MICB: variants seen among roughly 807,000 people sequenced by gnomAD.
The protein encoded by MICB is MHC class I antigen-related protein B.
A neutral mutation model predicts 34.3 loss-of-function variants in MICB; 27 were observed. The observed-to-expected ratio is 0.79, with a 90% CI of 0.58 to 1.08. MICB has a LOEUF of 1.08. Among genes scored for constraint, MICB ranks in the 50% least tolerant of loss-of-function variants. The pLI is 0.00. For synonymous variants in MICB, 153 were observed against 187.4 expected (o/e 0.82, Z 1.50); for missense variants, 426 against 483.1 (o/e 0.88, Z 1.11).
rs1157197923 is a variant in MICB, at chr6:31,509,769, C to A, written c.1025-13C>A. The A allele has an allele frequency of 6.2e-7, 1 of 1,603,712 alleles. No individual in the cohort carries two copies. Among genetic ancestry groups the A allele is most frequent in the South Asian group, 1.1e-5 (1 of 89,646 alleles). ...CACCCAGTGGAGCATTTACCCGTTT[C>A]CCTCTTCTCCAGAGCTTGTGAGCCT... On this transcript the variant is annotated splice_polypyrimidine_tract_variant and intron_variant, in intron 5 of 5. Transcript: ENST00000252229.
At chr6:31,496,369 T>TTC (rs1764658023), upstream of MICB, among the ~76,000 whole-genome samples, 2 of 42,222 alleles carry the variant, frequency 4.7e-5, no homozygotes, top group Non-Finnish European at 1.0e-4. Flanking sequence ...TTTTTTTCTT[T>TTC]TTTTTTTTTT....
chr6:31,502,024 G>C (rs550408092), intron 1 of MICB, among the ~76,000 whole-genome samples: 1 of 152,210 alleles, frequency 6.6e-6, no homozygotes, highest in South Asian at 2.1e-4. Context: ...CTTTGGGTAG[G>C]ATGGATATTT....
At chr6:31,498,303 G>A in intron 1 of MICB, 40 bp downstream of exon 1, 1 of 1,501,100 alleles carries the variant, frequency 6.7e-7, no homozygotes. Flanking sequence ...GAGCGGGAGC[G>A]GCGGGGCGTT....
In MICB at chr6:31,506,368, A is replaced by C; in HGVS notation, c.551A>C (p.Gln184Pro). ...ACCAAGACACACTATCGCGCTATGC[A>C]GGCAGACTGCCTGCAGAAACTACAG... ...MKTKTHYRAM[Q>P]ADCLQKLQRY... Residue 184 changes from glutamine to proline, a missense_variant, in exon 3 of 6, where the codon CAG becomes CCG. Gln to Pro is a moderately conservative substitution (Grantham distance 76, BLOSUM62 -1). Transcript: ENST00000252229. The C allele has an allele frequency of 6.2e-7, 1 of 1,614,220 alleles. No individual in the cohort carries two copies.
chr6:31,504,682 C>T (rs2534657), intron 1 of MICB, among the ~76,000 whole-genome samples: 22,659 of 152,000 alleles, frequency 0.15, 1,886 homozygotes, highest in Admixed American at 0.24. Context: ...TTCATGAGTC[C>T]AGTTTGTCAG....
Position 31,509,848 on chromosome 6 carries a change from A to G in MICB, c.1091A>G (p.Gln364Arg). 6.2e-7 allele frequency: 1 copy of G among 1,613,860 alleles called. No individual in the cohort carries two copies. The highest frequency in any genetic ancestry group is 8.5e-7 in the Non-Finnish European group (1 of 1,179,830). Residue 364 changes from glutamine (Q) to arginine (R), a missense_variant, in exon 6 of 6, where the codon CAG becomes CGG. Gln to Arg is a conservative substitution (Grantham distance 43). Transcript: ENST00000252229. ...VGTGDHRDAA[Q>R]LGFQPLMSAT... ...ACAGGAGACCACAGGGATGCAGCACAGCTGGGATTTCAGCCTCTGATGTCA... is the reference window on the plus strand; with the variant it reads ...ACAGGAGACCACAGGGATGCAGCACGGCTGGGATTTCAGCCTCTGATGTCA...
At position 31,505,676 on chromosome 6, in the gene MICB, G is replaced by T; in HGVS notation, c.130G>T (p.Gly44Trp). ...VLSQDGSVQSGFLAEGHLDGQ... is the reference protein window; with the variant it reads ...VLSQDGSVQSWFLAEGHLDGQ... The stretch of plus-strand genomic sequence containing the variant: ...GTCCCAGGATGGATCTGTGCAGTCA[G>T]GGTTTCTCGCTGAGGGACATCTGGA... Residue 44 changes from glycine to tryptophan, a missense_variant, in exon 2 of 6, where the codon GGG becomes TGG. Gly to Trp is a radical substitution (Grantham distance 184, BLOSUM62 -2). Transcript: ENST00000252229. 1 of 1,612,906 alleles carries T rather than the reference G, an allele frequency of 6.2e-7. No individual in the cohort carries two copies. Among genetic ancestry groups the T allele is most frequent in the Admixed American group, 1.7e-5 (1 of 60,014 alleles).
chr6:31,500,769 A>G (rs2534666), intron 1 of MICB, among the ~76,000 whole-genome samples: 99,351 of 152,028 alleles, frequency 0.65, 32,626 homozygotes, highest in Middle Eastern at 0.73. Flanking sequence ...AAATGACATG[A>G]TGGCTGAATA....
At position 31,505,632 on chromosome 6, in the gene MICB, G is replaced by T. The variant is rs371170217; in HGVS notation, c.86G>T (p.Arg29Leu). ...PAAAAEPHSL[R>L]YNLMVLSQDG... ...TCTTCCCCAGAGCCCCACAGTCTTC[G>T]TTACAACCTCATGGTGCTGTCCCAG... The change falls in exon 2 of 6, where the codon CGT becomes CTT. Residue 29 changes from arginine (R) to leucine (L), a missense_variant. Transcript: ENST00000252229. 6.2e-7 allele frequency: 1 copy of T among 1,612,614 alleles called. No individual in the cohort carries two copies. Among genetic ancestry groups the T allele is most frequent in the Non-Finnish European group, 8.5e-7 (1 of 1,179,892 alleles).
At chr6:31,509,332 G>A (rs1765530983) in intron 5 of MICB, among the ~76,000 whole-genome samples, 1 of 152,232 alleles carries the variant, frequency 6.6e-6, no homozygotes, top group Admixed American at 6.5e-5. Context: ...TGGGAGGGGA[G>A]GAGTGCTGAG....
intron 1 of MICB, among the ~76,000 whole-genome samples, chr6:31,499,772 C>A (rs1217314109): frequency 2.0e-5 from 3 of 151,388 alleles, no homozygotes; most frequent in Non-Finnish European, 2.9e-5. Context: ...GGTGCTGGAC[C>A]ATCCCTCCCT....
intron 1 of MICB, among the ~76,000 whole-genome samples, chr6:31,502,646 G>C (rs141947234): frequency 2.6e-5 from 4 of 152,276 alleles, no homozygotes; most frequent in African/African-American, 9.6e-5. Flanking sequence ...TTTTTTGGTG[G>C]AGTCTTTAGG....
upstream of MICB, chr6:31,498,107 AGGTGACTAAATTTCGACGG>A: frequency 9.0e-7 from 1 of 1,108,402 alleles, no homozygotes; most frequent in Non-Finnish European, 1.3e-6. Flanking sequence ...AGCGGGGCGC[AGGTGACTAAATTTCGACGG>A]GGTCTTCTCA....
In MICB at chr6:31,505,670, C is replaced by A; in HGVS notation, c.124C>A (p.Gln42Lys). ...GGTGCTGTCCCAGGATGGATCTGTG[C>A]AGTCAGGGTTTCTCGCTGAGGGACA... ...LMVLSQDGSV[Q>K]SGFLAEGHLD... is the part of the protein sequence containing the mutation. The change falls in exon 2 of 6, where the codon CAG (glutamine) becomes AAG (lysine). Residue 42 changes from glutamine to lysine, a missense_variant. Gln to Lys is a moderately conservative substitution (Grantham distance 53). Transcript: ENST00000252229. The A allele has an allele frequency of 3.7e-6, 6 of 1,612,950 alleles. No homozygotes were observed. The highest frequency in any genetic ancestry group is 4.2e-6 in the Non-Finnish European group (5 of 1,179,968).
rs1765265147 is a variant in MICB, at chr6:31,505,655, C to T, written c.109C>T (p.Gln37Ter). ...SLRYNLMVLS[Q>*]DGSVQSGFLA... ...TCGTTACAACCTCATGGTGCTGTCC[C>T]AGGATGGATCTGTGCAGTCAGGGTT... Residue 37 changes from glutamine (Q) to a stop codon, truncating the protein, a stop_gained, in exon 2 of 6, where the codon CAG (glutamine) becomes TAG (stop). Transcript: ENST00000252229. LOFTEE classifies it high-confidence loss of function. The T allele has an allele frequency of 1.2e-6, 2 of 1,612,756 alleles. No homozygotes were observed. The highest frequency in any genetic ancestry group is 1.7e-6 in the Non-Finnish European group (2 of 1,179,926).
intron 1 of MICB, among the ~76,000 whole-genome samples, chr6:31,499,129 T>G (rs1347398525): frequency 6.6e-6 from 1 of 151,996 alleles, no homozygotes; most frequent in Non-Finnish European, 1.5e-5. Flanking sequence ...GGGTCCTGAC[T>G]CTCAAGCTGA....
intron 1 of MICB, 130 bp downstream of exon 1, chr6:31,498,393 T>C: frequency 2.1e-6 from 1 of 487,344 alleles, no homozygotes; most frequent in Non-Finnish European, 3.3e-6. Context: ...TGCAGGGAGC[T>C]GGACGCCGCC....
Position 31,507,859 on chromosome 6 carries a change from G to C in MICB, c.1024+328G>C, listed in dbSNP as rs1406817200. Among the ~76,000 whole-genome samples the C allele has an allele frequency of 6.6e-6, 1 of 152,138 alleles. No homozygotes were observed. Among genetic ancestry groups the C allele is most frequent in the African/African-American group, 2.4e-5 (1 of 41,412 alleles). ...CGGGCTCACTAGGGTGCGTCCAGGT[G>C]GGGTGAGTTGGGAATCACGTGCTGA... is the stretch of plus-strand genomic sequence containing the variant. On this transcript the variant is annotated intron_variant, in intron 5 of 5. Transcript: ENST00000252229. The surrounding 1 kb of genome is among the most constrained non-coding windows in gnomAD (Gnocchi z 6.0).
chr6:31,506,142 G>A lies in MICB; in HGVS notation c.326-1G>A, dbSNP rs1317568541. 28 of 1,611,660 alleles carry A rather than the reference G, an allele frequency of 1.7e-5. No individual in the cohort carries two copies. The highest frequency in any genetic ancestry group is 2.4e-5 in the Non-Finnish European group (28 of 1,178,596). ...GAGAAGTCACTGCTGGGTGGGGGCA[G>A]GCTTGCATTCCCTCCAGGAGATTAG... On this transcript the variant is annotated splice_acceptor_variant, in intron 2 of 5. Coordinates refer to ENST00000252229, the MANE Select transcript of MICB (RefSeq NM_005931.5). LOFTEE classifies it high-confidence loss of function.
Sources: allele counts gnomAD v4.1 joint callset (sites outside exome capture counted in the v4.1 genomes callset), GRCh38; gene constraint gnomAD v4.1.1; non-coding constraint Gnocchi (gnomAD v3.1); transcripts MANE v1.5; gene names NCBI Gene and HGNC (gene_info 2026-07-23, HGNC 2026-07-21).